The following SLC1A6 variants were observed in gnomAD, a reference collection of about 807,000 sequenced individuals.
The protein encoded by SLC1A6 is solute carrier family 1 member 6.
A neutral mutation model predicts 42.1 loss-of-function variants in SLC1A6; 15 were observed. The observed-to-expected ratio is 0.36, with a 90% CI of 0.24 to 0.55. The LOEUF is 0.55. Among genes scored for constraint, SLC1A6 ranks in the 20% least tolerant of loss-of-function variants. The probability of loss-of-function intolerance (pLI) is 0.88; values close to 1 mark genes in which losing one functional copy is unlikely to be tolerated. For synonymous variants in SLC1A6, 317 were observed against 319.7 expected (o/e 0.99, Z 0.09); for missense variants, 542 against 772.5 (o/e 0.70, Z 3.54).
At chr19:14,989,648 A>C (rs1055766198) in intron 1 of SLC1A6, among the ~76,000 whole-genome samples, 7 of 152,122 alleles carry the variant, frequency 4.6e-5, no homozygotes, top group Non-Finnish European at 7.3e-5. Flanking sequence ...AATGTAAATT[A>C]GTACAGCCAT....
At chr19:14,983,318 C>A (rs1452826825), upstream of SLC1A6, among the ~76,000 whole-genome samples, 1 of 152,032 alleles carries the variant, frequency 6.6e-6, no homozygotes, top group African/African-American at 2.4e-5. Flanking sequence ...TTAAAATGGT[C>A]CTGAGCACTT....
upstream of SLC1A6, among the ~76,000 whole-genome samples, chr19:14,980,654 C>CAAAAAAA (rs35361239): frequency 4.5e-3 from 565 of 125,362 alleles, 18 homozygotes; most frequent in African/African-American, 9.0e-3. Flanking sequence ...GAGACTCCGT[C>CAAAAAAA]AAAAAAAAAA....
intron 1 of SLC1A6, among the ~76,000 whole-genome samples, chr19:15,001,409 C>A (rs979307643): frequency 7.6e-6 from 1 of 131,422 alleles, no homozygotes; most frequent in African/African-American, 2.5e-5. Context: ...TATAAAAATG[C>A]AGAATAAGAA....
intron 1 of SLC1A6, among the ~76,000 whole-genome samples, chr19:14,990,786 CAAAA>C (rs60926365): frequency 2.4e-5 from 3 of 124,744 alleles, no homozygotes; most frequent in African/African-American, 9.5e-5. Flanking sequence ...CAAAACAAAA[CAAAA>C]AAAAAAAAAA....
intron 6 of SLC1A6, among the ~76,000 whole-genome samples, chr19:14,958,000 T>A (rs1346404974): frequency 6.6e-6 from 1 of 152,196 alleles, no homozygotes; most frequent in Non-Finnish European, 1.5e-5. Context: ...AGCAAGTTCA[T>A]CAGGGGCTCA....
chr19:14,971,709 A>G (rs746906979), intron 3 of SLC1A6, 28 bp downstream of exon 3: 1 of 1,611,966 alleles, frequency 6.2e-7, no homozygotes, highest in Admixed American at 1.7e-5. Context: ...CGGGTCTTGG[A>G]GGCCAACACT....
At chr19:14,991,494 G>A (rs991629094) in intron 1 of SLC1A6, among the ~76,000 whole-genome samples, 6 of 151,840 alleles carry the variant, frequency 4.0e-5, no homozygotes, top group East Asian at 1.9e-4. Flanking sequence ...GTGGTGATGC[G>A]CACATGTAAT....
At chr19:14,996,614 T>C (rs2045849083) in intron 1 of SLC1A6, among the ~76,000 whole-genome samples, 1 of 148,348 alleles carries the variant, frequency 6.7e-6, no homozygotes, top group Non-Finnish European at 1.5e-5. Context: ...CCGTTACTTC[T>C]ATCTGACATG....
chr19:14,996,565 TTCTTCC>T (rs2045848322), intron 1 of SLC1A6, among the ~76,000 whole-genome samples: 2 of 150,598 alleles, frequency 1.3e-5, no homozygotes, highest in East Asian at 3.9e-4. Flanking sequence ...CTTCTTGTTC[TTCTTCC>T]TCTTCTTCTT....
At chr19:15,005,997 G>A (rs919223970) in intron 1 of SLC1A6, among the ~76,000 whole-genome samples, 25 of 152,226 alleles carry the variant, frequency 1.6e-4, no homozygotes, top group African/African-American at 5.5e-4. Context: ...ACAAAGCAAA[G>A]GTAGATGGTT....
At chr19:14,993,000 A>G (rs1304665300) in intron 1 of SLC1A6, among the ~76,000 whole-genome samples, 1 of 152,158 alleles carries the variant, frequency 6.6e-6, no homozygotes, top group Non-Finnish European at 1.5e-5. Context: ...ATCGGCTAAC[A>G]GCTTCCCCAC....
intron 9 of SLC1A6, among the ~76,000 whole-genome samples, chr19:14,951,136 C>T (rs1344610816): frequency 6.8e-6 from 1 of 146,880 alleles, no homozygotes; most frequent in Non-Finnish European, 1.5e-5. Flanking sequence ...GTAGTAATCC[C>T]AGCTACTCGG....
chr19:14,954,734 A>G (rs1002616540), intron 7 of SLC1A6, among the ~76,000 whole-genome samples: 1 of 152,166 alleles, frequency 6.6e-6, no homozygotes, highest in African/African-American at 2.4e-5. Flanking sequence ...ATAACATTTC[A>G]GAGGCTGATA....
chr19:14,997,267 A>G (rs1030125474), intron 1 of SLC1A6, among the ~76,000 whole-genome samples: 1 of 152,052 alleles, frequency 6.6e-6, no homozygotes, highest in Non-Finnish European at 1.5e-5. Flanking sequence ...CCCTACTTTG[A>G]GTTGTTCCAC....
upstream of SLC1A6, among the ~76,000 whole-genome samples, chr19:14,983,741 A>AG (rs2045779588): frequency 1.3e-5 from 2 of 150,594 alleles, no homozygotes; most frequent in Non-Finnish European, 3.0e-5. Context: ...AAAAAAAAAA[A>AG]AGGCTGTAAG....
intron 7 of SLC1A6, 27 bp from the exon 8 acceptor site, chr19:14,954,356 A>AC: frequency 6.3e-7 from 1 of 1,597,262 alleles, no homozygotes; most frequent in Non-Finnish European, 8.5e-7. Context: ...AGGACTGAGG[A>AC]TGGGGCGTGG....
At position 14,994,668 on chromosome 19, in the gene SLC1A6, T is replaced by C. The variant is rs147595335; in HGVS notation, c.6+15817A>G. On this transcript the variant is annotated intron_variant, in intron 1 of 8. Transcript: ENST00000430939. ...TTGGCTTTGTGAAAGTAAAATAAAT[T>C]TGGGGACCCCAAAATCACTAAGCCA... Among the ~76,000 whole-genome samples, 164 of 152,232 alleles carry C rather than the reference T, an allele frequency of 1.1e-3. 1 individual carries two copies. The East Asian group carries it at 0.018, about 16-fold the overall frequency.
At chr19:14,999,694 C>G (rs1568301939) in intron 1 of SLC1A6, among the ~76,000 whole-genome samples, 1 of 152,182 alleles carries the variant, frequency 6.6e-6, no homozygotes, top group Non-Finnish European at 1.5e-5. Flanking sequence ...CTCCAACTTA[C>G]AATGGTTCAA....
At chr19:14,984,668 G>A (rs923623857), upstream of SLC1A6, among the ~76,000 whole-genome samples, 8 of 152,156 alleles carry the variant, frequency 5.3e-5, no homozygotes, top group Non-Finnish European at 1.2e-4. Context: ...TTTTAACCAT[G>A]CATGATTTTG....
Sources: allele counts gnomAD v4.1 joint callset (sites outside exome capture counted in the v4.1 genomes callset), GRCh38; gene constraint gnomAD v4.1.1; transcripts MANE v1.5; gene names NCBI Gene and HGNC (gene_info 2026-07-23, HGNC 2026-07-21).